Variants in PCSK2 observed in about 807,000 individuals in gnomAD.
PCSK2 encodes the protein neuroendocrine convertase 2.
A neutral mutation model predicts 69.7 loss-of-function variants in PCSK2; 14 were observed. That is an observed-to-expected ratio of 0.20 (90% CI 0.13 to 0.31). The LOEUF is 0.31. Among genes scored for constraint, PCSK2 ranks in the 10% least tolerant of loss-of-function variants. The pLI is 1.00. For synonymous variants in PCSK2, 307 were observed against 320.7 expected (o/e 0.96, Z 0.46); for missense variants, 544 against 842.5 (o/e 0.65, Z 4.39).
At chr20:17,409,179 T>G (rs6044793) in intron 5 of PCSK2, 84 bp from the exon 6 acceptor site, 14,351 of 1,004,754 alleles carry the variant, frequency 0.014, 180 homozygotes, top group African/African-American at 0.041. Context: ...CAGGGAGGAC[T>G]AGAAATGTTT....
chr20:17,354,568 C>T (rs2030130641), intron 2 of PCSK2, among the ~76,000 whole-genome samples: 1 of 152,116 alleles, frequency 6.6e-6, no homozygotes, highest in Non-Finnish European at 1.5e-5. Context: ...TAGTTTATAA[C>T]CCAATCTGTC....
chr20:17,475,622 T>C (rs1241197960), intron 11 of PCSK2, among the ~76,000 whole-genome samples: 1 of 152,176 alleles, frequency 6.6e-6, no homozygotes, highest in Non-Finnish European at 1.5e-5. Context: ...AGGCAAGCAA[T>C]GCCATTTTTC....
chr20:17,436,649 C>A, intron 7 of PCSK2, 59 bp from the exon 8 acceptor site: 1 of 1,492,452 alleles, frequency 6.7e-7, no homozygotes, highest in Non-Finnish European at 9.2e-7. Flanking sequence ...CCTCCACCTC[C>A]TTGTCTCCTG....
At chr20:17,408,058 A>G (rs2031792041) in intron 5 of PCSK2, among the ~76,000 whole-genome samples, 2 of 152,194 alleles carry the variant, frequency 1.3e-5, no homozygotes, top group African/African-American at 4.8e-5. Flanking sequence ...AGTGTGTCAC[A>G]AAACTTGTGT....
chr20:17,414,737 G>A (rs919864763), intron 6 of PCSK2, among the ~76,000 whole-genome samples: 4 of 152,136 alleles, frequency 2.6e-5, no homozygotes, highest in Admixed American at 2.0e-4. Context: ...AACAAAAAAA[G>A]AGAATTTTAG....
At chr20:17,233,482 T>C (rs917214660) in intron 1 of PCSK2, among the ~76,000 whole-genome samples, 2 of 152,138 alleles carry the variant, frequency 1.3e-5, no homozygotes, top group Non-Finnish European at 2.9e-5. Context: ...ACCCATGGGC[T>C]AGTCATGACC....
At chr20:17,302,487 C>T (rs147568892) in intron 2 of PCSK2, among the ~76,000 whole-genome samples, 28 of 152,296 alleles carry the variant, frequency 1.8e-4, no homozygotes, top group Middle Eastern at 3.4e-3. Context: ...CCCTTGGTAG[C>T]TCTTTCAGTA....
intron 4 of PCSK2, among the ~76,000 whole-genome samples, chr20:17,368,559 G>A (rs998497253): frequency 6.6e-6 from 1 of 152,166 alleles, no homozygotes; most frequent in African/African-American, 2.4e-5. Context: ...AATTGCCCTT[G>A]GAGTTTCTTG....
At chr20:17,477,329 T>TTTTG (rs1555798731) in intron 11 of PCSK2, among the ~76,000 whole-genome samples, 1 of 150,510 alleles carries the variant, frequency 6.6e-6, no homozygotes, top group Non-Finnish European at 1.5e-5. Context: ...TTTTATTTTA[T>TTTTG]TTTATTTATT....
intron 7 of PCSK2, among the ~76,000 whole-genome samples, chr20:17,431,537 C>T (rs1360577029): frequency 6.6e-6 from 1 of 152,186 alleles, no homozygotes; most frequent in African/African-American, 2.4e-5. Flanking sequence ...TTTGAGGTTC[C>T]AGAAACCAAG....
intron 2 of PCSK2, among the ~76,000 whole-genome samples, chr20:17,273,532 T>C (rs1018172122): frequency 6.6e-6 from 1 of 152,142 alleles, no homozygotes; most frequent in Non-Finnish European, 1.5e-5. Context: ...GCAGAAAAGG[T>C]GATAGTGTCA....
chr20:17,268,033 G>GTATGTATATATATATATATA (rs1433692727), intron 2 of PCSK2, among the ~76,000 whole-genome samples: 85 of 66,302 alleles, frequency 1.3e-3, no homozygotes, highest in Non-Finnish European at 1.9e-3. Context: ...TATCCAATGT[G>GTATGTATATATATATATATA]TATATATATA....
chr20:17,441,152 C>T (rs891820080), intron 8 of PCSK2, among the ~76,000 whole-genome samples: 1 of 152,160 alleles, frequency 6.6e-6, no homozygotes, highest in Non-Finnish European at 1.5e-5. Context: ...CCATTGGCAC[C>T]CTTGCTTGTT....
At chr20:17,430,198 T>C (rs6044808) in intron 7 of PCSK2, among the ~76,000 whole-genome samples, 18,698 of 151,860 alleles carry the variant, frequency 0.12, 1,502 homozygotes, top group Middle Eastern at 0.24. Flanking sequence ...TAGAACCCAA[T>C]ATCCCTCCCC....
chr20:17,335,370 C>T (rs929287921), intron 2 of PCSK2, among the ~76,000 whole-genome samples: 2 of 151,040 alleles, frequency 1.3e-5, no homozygotes, highest in Admixed American at 6.6e-5. Context: ...TAGGCCAAAA[C>T]ACAAGATGTC....
chr20:17,247,263 C>T (rs1383120489), intron 1 of PCSK2, among the ~76,000 whole-genome samples: 1 of 152,106 alleles, frequency 6.6e-6, no homozygotes, highest in Middle Eastern at 3.2e-3. Context: ...AGATTGCATG[C>T]AATTGAAGGA....
intron 5 of PCSK2, among the ~76,000 whole-genome samples, chr20:17,377,036 A>G (rs1291580484): frequency 6.6e-6 from 1 of 152,198 alleles, no homozygotes. Flanking sequence ...ATACTAAGGA[A>G]AGAGAGGACC....
At chr20:17,376,837 T>A (rs117838284) in intron 5 of PCSK2, among the ~76,000 whole-genome samples, 3,016 of 152,346 alleles carry the variant, frequency 0.02, 38 homozygotes, top group Middle Eastern at 0.041. Flanking sequence ...AAGCACTTAA[T>A]ACATATTTGT....
intron 2 of PCSK2, among the ~76,000 whole-genome samples, chr20:17,290,432 C>A (rs1600454651): frequency 6.6e-6 from 1 of 152,162 alleles, no homozygotes; most frequent in Non-Finnish European, 1.5e-5. Flanking sequence ...TTTGTCCCTG[C>A]TAATTATCAC....
Sources: gnomAD v4.1 joint callset for allele counts (sites outside exome capture counted in the v4.1 genomes callset) on GRCh38, gnomAD v4.1.1 for gene constraint, MANE v1.5 for transcripts, NCBI Gene and HGNC (gene_info 2026-07-23, HGNC 2026-07-21) for gene names.